The following FRMD4B variants were observed in gnomAD, a reference collection of about 807,000 sequenced individuals.
The protein encoded by FRMD4B is FERM domain-containing protein 4B.
Under a neutral mutation model 141.5 loss-of-function variants are expected in FRMD4B, and 74 were observed. That is an observed-to-expected ratio of 0.52 (90% CI 0.43 to 0.63). FRMD4B has a LOEUF of 0.63. Ranked by LOEUF, FRMD4B falls within the 30% of genes least tolerant of loss-of-function variation. The pLI is 0.00. For synonymous variants in FRMD4B, 506 were observed against 467.9 expected, an observed-to-expected ratio of 1.08 and a Z score of -1.05; for missense variants, 1,366 against 1,253.4, an observed-to-expected ratio of 1.09 and a Z score of -1.36.
intron 1 of FRMD4B, among the ~76,000 whole-genome samples, chr3:69,342,489 C>T (rs1410632111): frequency 6.6e-6 from 1 of 152,178 alleles, no homozygotes; most frequent in Non-Finnish European, 1.5e-5. Context: ...ACTTTGTACA[C>T]TCAATCTTCT....
chr3:69,175,973 G>T (rs372129416), intron 22 of FRMD4B, among the ~76,000 whole-genome samples: 61 of 151,674 alleles, frequency 4.0e-4, no homozygotes, highest in African/African-American at 1.4e-3. Context: ...GTAGAGATGG[G>T]GTTTCACCGT....
In FRMD4B at chr3:69,303,096, A is replaced by T. The variant is rs141107159; in HGVS notation, c.324-661T>A. Among the ~76,000 whole-genome samples the T allele has an allele frequency of 5.7e-4, 80 of 140,732 alleles. 3 individuals are homozygous for T. In the East Asian group the frequency reaches 0.012, roughly 21 times the overall value. 92.3% of individuals were successfully genotyped at this position (140,732 alleles called of 152,430 possible). ...GAAACTCTGTCTAAAAAATAAACAA[A>T]CAAAACCCCCCAAAACAAACAAACA... On this transcript the variant is annotated intron_variant, in intron 3 of 22. Transcript: ENST00000398540.
intron 1 of FRMD4B, among the ~76,000 whole-genome samples, chr3:69,482,321 T>C (rs1464029268): frequency 6.6e-6 from 1 of 152,108 alleles, no homozygotes; most frequent in African/African-American, 2.4e-5. Flanking sequence ...TAACTAAGAA[T>C]ATCACAGAAC....
intron 5 of FRMD4B, among the ~76,000 whole-genome samples, chr3:69,280,739 GCCTC>G (rs1378827488): frequency 1.3e-5 from 2 of 151,988 alleles, no homozygotes; most frequent in Non-Finnish European, 2.9e-5. Context: ...TCCCACCTCA[GCCTC>G]CCAAGTAGCT....
intron 1 of FRMD4B, among the ~76,000 whole-genome samples, chr3:69,538,918 G>T (rs1701124025): frequency 6.6e-6 from 1 of 152,182 alleles, no homozygotes; most frequent in African/African-American, 2.4e-5. Context: ...AAAAGGGAGA[G>T]ATATGTAAGT....
chr3:69,425,783 C>T (rs575160259), intron 2 of FRMD4B, among the ~76,000 whole-genome samples: 1 of 152,122 alleles, frequency 6.6e-6, no homozygotes, highest in African/African-American at 2.4e-5. Context: ...TTTCAGAAGA[C>T]TTAAAAGGAT....
chr3:69,320,235 T>A (rs57670018), intron 1 of FRMD4B, among the ~76,000 whole-genome samples: 4,879 of 152,208 alleles, frequency 0.032, 260 homozygotes, highest in African/African-American at 0.11. Flanking sequence ...AAAATTTTTT[T>A]TAAAAATTAT....
intron 3 of FRMD4B, chr3:69,310,567 CACACACACACACACAGAGAGAGAGAGAG>C: frequency 4.1e-6 from 1 of 242,532 alleles, no homozygotes; most frequent in South Asian, 2.5e-5. Flanking sequence ...CACACACACA[CACACACACACACACAGAGAGAGAGAGAG>C]AGAGAGAGAG....
At chr3:69,333,888 C>T (rs1437175413) in intron 1 of FRMD4B, 1 of 152,070 alleles carries the variant, frequency 6.6e-6, no homozygotes, top group Non-Finnish European at 1.5e-5. Flanking sequence ...AAACTTATGC[C>T]ATAATTGAAG....
intron 4 of FRMD4B, among the ~76,000 whole-genome samples, chr3:69,289,575 C>T (rs532937303): frequency 6.6e-6 from 1 of 152,260 alleles, no homozygotes; most frequent in African/African-American, 2.4e-5. Context: ...GCGGGCAGAT[C>T]ACTTGAAGTC....
intron 2 of FRMD4B, among the ~76,000 whole-genome samples, chr3:69,427,614 G>A (rs1001797065): frequency 7.9e-6 from 1 of 125,832 alleles, no homozygotes; most frequent in Non-Finnish European, 1.6e-5. Context: ...TCTCCTCCAT[G>A]ACTGTGTTTA....
At chr3:69,417,437 G>A (rs1017521460) in intron 2 of FRMD4B, among the ~76,000 whole-genome samples, 1 of 152,124 alleles carries the variant, frequency 6.6e-6, no homozygotes, top group South Asian at 2.1e-4. Context: ...TGTAGATTCT[G>A]GATATTAGGC....
intron 1 of FRMD4B, among the ~76,000 whole-genome samples, chr3:69,497,674 C>T (rs925236985): frequency 6.6e-6 from 1 of 152,146 alleles, no homozygotes; most frequent in African/African-American, 2.4e-5. Context: ...TAGGAAACAG[C>T]AACTATAATT....
At chr3:69,530,859 C>A (rs1343912477) in intron 1 of FRMD4B, among the ~76,000 whole-genome samples, 2 of 152,188 alleles carry the variant, frequency 1.3e-5, no homozygotes, top group African/African-American at 4.8e-5. Context: ...GCCTTCAGAA[C>A]TCCACTTAAC....
intron 5 of FRMD4B, among the ~76,000 whole-genome samples, chr3:69,267,381 G>A (rs1559764727): frequency 6.6e-6 from 1 of 151,852 alleles, no homozygotes. Context: ...AGAAAAGGGT[G>A]GGAAAGACTA....
At chr3:69,190,831 C>A (rs2092827590) in intron 17 of FRMD4B, among the ~76,000 whole-genome samples, 1 of 152,180 alleles carries the variant, frequency 6.6e-6, no homozygotes, top group Admixed American at 6.5e-5. Flanking sequence ...GGTTGAGAAC[C>A]ACTGAATTAG....
chr3:69,412,379 G>A (rs1368314989), intron 2 of FRMD4B, among the ~76,000 whole-genome samples: 1 of 152,202 alleles, frequency 6.6e-6, no homozygotes, highest in Non-Finnish European at 1.5e-5. Flanking sequence ...TGGTGGACTG[G>A]TCAACTTTCA....
chr3:69,201,631 G>C (rs1274300476), intron 11 of FRMD4B, among the ~76,000 whole-genome samples: 1 of 152,156 alleles, frequency 6.6e-6, no homozygotes, highest in African/African-American at 2.4e-5. Flanking sequence ...CTGGCAGCTG[G>C]ATATAAGCTG....
intron 5 of FRMD4B, among the ~76,000 whole-genome samples, chr3:69,283,817 GAA>G (rs945384263): frequency 3.9e-5 from 6 of 152,176 alleles, no homozygotes; most frequent in African/African-American, 1.2e-4. Context: ...CTGAATCTCA[GAA>G]AAGAGGGCTG....
Sources: allele counts gnomAD v4.1 joint callset (sites outside exome capture counted in the v4.1 genomes callset), GRCh38; gene constraint gnomAD v4.1.1; transcripts MANE v1.5; gene names NCBI Gene and HGNC (gene_info 2026-07-23, HGNC 2026-07-21).